Variants in SNUPN observed in about 807,000 individuals in gnomAD.
SNUPN encodes the protein snurportin-1.
Under a neutral mutation model 39.2 loss-of-function variants are expected in SNUPN, and 31 were observed. That is an observed-to-expected ratio of 0.79 (90% confidence interval 0.59 to 1.07). The LOEUF is 1.07. Among genes scored for constraint, SNUPN ranks in the 50% least tolerant of loss-of-function variants. SNUPN has a pLI of 0.00. For missense variants in SNUPN, 382 were observed against 434.2 expected (o/e 0.88, Z 1.07); for synonymous variants, 132 against 159.0 (o/e 0.83, Z 1.28).
In SNUPN at chr15:75,605,227, T is replaced by C. The variant is rs765497903; in HGVS notation, c.601A>G (p.Thr201Ala). 3 of 1,608,706 alleles carry C rather than the reference T, an allele frequency of 1.9e-6. No homozygotes were observed. Among genetic ancestry groups the C allele is most frequent in the South Asian group, 2.2e-5 (2 of 90,830 alleles). Residue 201 changes from threonine to alanine, a missense_variant and splice_region_variant, in exon 7 of 9, where the codon ACT (threonine) becomes GCT (alanine). Transcript: ENST00000308588. ...TGCATCCAGTAGAATCGGAAATCAG[T>C]CTGCCACAGAGAAGGGAAACAGAAA... ...WRGHPFYDCQTDFRFYWMHSK... is the reference protein window; with the variant it reads ...WRGHPFYDCQADFRFYWMHSK...
intron 1 of SNUPN, among the ~76,000 whole-genome samples, chr15:75,624,336 G>A (rs958599071): frequency 6.6e-6 from 1 of 150,838 alleles, no homozygotes; most frequent in Non-Finnish European, 1.5e-5. Context: ...GTGGGCTCCC[G>A]CTCTGCCAAG....
intron 7 of SNUPN, among the ~76,000 whole-genome samples, chr15:75,601,474 T>C (rs912330013): frequency 6.6e-6 from 1 of 150,636 alleles, no homozygotes; most frequent in South Asian, 2.1e-4. Flanking sequence ...ACTTGGGAGG[T>C]TGAGGGAGGA....
Position 75,598,350 on chromosome 15 carries a change from T to G in SNUPN, c.*8A>C. On this transcript the variant is annotated 3_prime_UTR_variant, in exon 9 of 9. Transcript: ENST00000308588. Reference sequence around the variant, plus strand: ...CCATCCTGTGGCTCCTTAAGGAGGCTTCTCTCTTTAATTCTCCATGAGGCA... The same window carrying G: ...CCATCCTGTGGCTCCTTAAGGAGGCGTCTCTCTTTAATTCTCCATGAGGCA... 6 of 1,606,640 alleles carry G rather than the reference T, an allele frequency of 3.7e-6. No individual in the cohort carries two copies. Among genetic ancestry groups the G allele is most frequent in the Non-Finnish European group, 5.1e-6 (6 of 1,174,936 alleles).
At chr15:75,619,520 T>C (rs1029694673) in intron 2 of SNUPN, among the ~76,000 whole-genome samples, 1 of 151,752 alleles carries the variant, frequency 6.6e-6, no homozygotes, top group Non-Finnish European at 1.5e-5. Flanking sequence ...AGTGTGCCTG[T>C]AGTCCCACCT....
rs1489694024 is a variant in SNUPN at position 75,598,541 on chromosome 15, G to C, written c.900C>G (p.Asp300Glu). 5.6e-6 allele frequency: 9 copies of C among 1,614,208 alleles called. No homozygotes were observed. In the South Asian group the frequency reaches 6.6e-5, roughly 12 times the overall value. ...VPAGPLTTKP[D>E]YAGHQLQQIM... Reference sequence around the variant, plus strand: ...TCTGCTGGAGCTGGTGCCCAGCATAGTCTGGCTTGGTGGTCAGCGGGCCAG... The same window carrying C: ...TCTGCTGGAGCTGGTGCCCAGCATACTCTGGCTTGGTGGTCAGCGGGCCAG... The change falls in exon 9 of 9, where the codon GAC becomes GAG. Residue 300 changes from aspartate (D) to glutamate (E), a missense_variant. Transcript: ENST00000308588.
At chr15:75,613,979 G>C (rs966281050) in intron 3 of SNUPN, among the ~76,000 whole-genome samples, 9 of 152,046 alleles carry the variant, frequency 5.9e-5, no homozygotes, top group Non-Finnish European at 1.3e-4. Context: ...AAAACTTGTA[G>C]TACAAGAATA....
intron 2 of SNUPN, among the ~76,000 whole-genome samples, chr15:75,618,384 C>T (rs542165560): frequency 3.3e-5 from 5 of 152,236 alleles, no homozygotes; most frequent in African/African-American, 1.2e-4. Flanking sequence ...ACAGCTTTCT[C>T]AGAAGCCAGG....
intron 8 of SNUPN, among the ~76,000 whole-genome samples, chr15:75,599,745 A>G (rs898082018): frequency 3.3e-5 from 5 of 152,124 alleles, no homozygotes; most frequent in African/African-American, 9.7e-5. Context: ...AATGCTGGCA[A>G]CTCAGCCTTT....
At chr15:75,608,771 A>C (rs2141367428) in intron 5 of SNUPN, among the ~76,000 whole-genome samples, 1 of 152,308 alleles carries the variant, frequency 6.6e-6, no homozygotes, top group African/African-American at 2.4e-5. Flanking sequence ...TTTATTCTGC[A>C]ACTGGGGACG....
At chr15:75,609,779 T>A in intron 4 of SNUPN, 111 bp downstream of exon 4, 1 of 1,151,692 alleles carries the variant, frequency 8.7e-7, no homozygotes, top group South Asian at 1.3e-5. Context: ...GGAAAGTGTT[T>A]CAAGCTCCAC....
chr15:75,618,529 G>GA (rs1045175677), intron 2 of SNUPN, among the ~76,000 whole-genome samples: 5 of 150,200 alleles, frequency 3.3e-5, no homozygotes, highest in Non-Finnish European at 7.4e-5. Context: ...AAACTGAAAA[G>GA]AAAAAAAAAG....
intron 7 of SNUPN, among the ~76,000 whole-genome samples, chr15:75,601,850 AACT>A (rs1318198773): frequency 2.6e-5 from 4 of 151,934 alleles, no homozygotes; most frequent in Non-Finnish European, 4.4e-5. Flanking sequence ...TTACTCTCTT[AACT>A]ACTAGGTCGT....
chr15:75,599,555 T>G (rs935210891), intron 8 of SNUPN, among the ~76,000 whole-genome samples: 6 of 152,202 alleles, frequency 3.9e-5, no homozygotes, highest in African/African-American at 1.4e-4. Flanking sequence ...AACCTCCCCC[T>G]AAATTGTTTG....
At chr15:75,605,100 T>C (rs2075320899) in intron 7 of SNUPN, 50 bp downstream of exon 7, 1 of 1,151,690 alleles carries the variant, frequency 8.7e-7, no homozygotes, top group South Asian at 1.3e-5. Context: ...AACAGACCAA[T>C]CCACACTACT....
In SNUPN at chr15:75,619,842, G is replaced by C. The variant is rs1342950574; in HGVS notation, c.158+1052C>G. 2.6e-5 allele frequency among the ~76,000 whole-genome samples: 4 copies of C among 151,896 alleles called. No homozygotes were observed. The East Asian group carries it at 7.7e-4, about 29-fold the overall frequency. On this transcript the variant is annotated intron_variant, in intron 2 of 8. Transcript: ENST00000308588. ...CGGCTCACTGCAACCTCCACCTCCC[G>C]GGTTCAAGTGATTCTCCTGTCTCAG...
intron 8 of SNUPN, among the ~76,000 whole-genome samples, chr15:75,600,343 C>T (rs1436272689): frequency 3.3e-5 from 5 of 151,650 alleles, no homozygotes; most frequent in African/African-American, 9.7e-5. Context: ...GGCTCAATCT[C>T]GGCTCACTGC....
chr15:75,605,392 C>T (rs28433871), intron 6 of SNUPN, 165 bp from the exon 7 acceptor site: 66,229 of 433,870 alleles, frequency 0.15, 6,802 homozygotes, highest in African/African-American at 0.33. Context: ...CTGTAACCTC[C>T]GCCTCCCAAG....
At chr15:75,621,466 T>G (rs1893069522) in intron 1 of SNUPN, among the ~76,000 whole-genome samples, 1 of 152,060 alleles carries the variant, frequency 6.6e-6, no homozygotes, top group South Asian at 2.1e-4. Flanking sequence ...CTCCCTATGT[T>G]GCCTAGGCTA....
chr15:75,600,687 C>A (rs1395218522), intron 8 of SNUPN: 1 of 176,954 alleles, frequency 5.7e-6, no homozygotes, highest in Non-Finnish European at 1.2e-5. Flanking sequence ...GGGCCATCTT[C>A]TTTGGTGAGG....
Sources: gnomAD v4.1 joint callset for allele counts (sites outside exome capture counted in the v4.1 genomes callset) on GRCh38, gnomAD v4.1.1 for gene constraint, MANE v1.5 for transcripts, NCBI Gene and HGNC (gene_info 2026-07-23, HGNC 2026-07-21) for gene names.